CCHCR1: variants seen among roughly 807,000 people sequenced by gnomAD.
The protein encoded by CCHCR1 is coiled-coil alpha-helical rod protein 1.
Under a neutral mutation model 114.6 loss-of-function variants are expected in CCHCR1, and 91 were observed. That is an observed-to-expected ratio of 0.79 (90% CI 0.67 to 0.94). The LOEUF is 0.94. Ranked by LOEUF, CCHCR1 falls within the 40% of genes least tolerant of loss-of-function variation. The probability of loss-of-function intolerance (pLI) is 0.00; values close to 1 mark genes in which losing one functional copy is unlikely to be tolerated. For synonymous variants in CCHCR1, 379 were observed against 428.5 expected, an observed-to-expected ratio of 0.88 and a Z score of 1.43; for missense variants, 899 against 1,079.9, an observed-to-expected ratio of 0.83 and a Z score of 2.35.
rs1774234799 is a variant in CCHCR1 at position 31,145,704 on chromosome 6, G to GT, written c.1684dup (p.Thr562AsnfsTer32). 4.3e-6 allele frequency: 7 copies of GT among 1,612,720 alleles called. No individual in the cohort carries two copies. The highest frequency in any genetic ancestry group is 5.9e-6 in the Non-Finnish European group (7 of 1,178,810). On this transcript the variant is annotated frameshift_variant, in exon 11 of 18. Transcript: ENST00000396268. LOFTEE classifies it high-confidence loss of function. ...GCAGTTGTCCTACGCACCCCGAATG[G>GT]TGTGGACCTTGCGGACAGCATAGCT... is the stretch of plus-strand genomic sequence containing the variant.
Position 31,145,206 on chromosome 6 carries a change from G to T in CCHCR1, c.1836C>A (p.Ala612=). 1.9e-6 allele frequency: 3 copies of T among 1,613,266 alleles called. No individual in the cohort carries two copies. The part of the protein sequence containing the change: ...NRLDAELQLS[A]RLIQQEVGRA... ...GGCCCACCTCCTGCTGGATGAGGCG[G>T]GCACTCAGCTGCAGTTCTGCATCCA... Residue 612 remains alanine, a synonymous_variant, in exon 13 of 18, where the codon GCC becomes GCA. Transcript: ENST00000396268.
chr6:31,157,449 T>C lies in CCHCR1; in HGVS notation c.152A>G (p.His51Arg). 1.2e-6 allele frequency: 2 copies of C among 1,612,930 alleles called. No homozygotes were observed. Among genetic ancestry groups the C allele is most frequent in the East Asian group, 2.2e-5 (1 of 44,890 alleles). ...CAGAGGTGAGAAAGGAGGTACACAG[T>C]GCAGGGGTCTTGAGCGCCATCTCCA... ...ELWRWRSRPLHCVPPFSPLAR... is the reference protein window; with the variant it reads ...ELWRWRSRPLRCVPPFSPLAR... The change falls in exon 1 of 18, where the codon CAC becomes CGC. Residue 51 changes from histidine to arginine, a missense_variant. His to Arg is a conservative substitution (Grantham distance 29). Transcript: ENST00000396268.
At chr6:31,142,914 C>G (rs1047537180) in intron 17 of CCHCR1, 49 bp downstream of exon 17, 1 of 1,582,738 alleles carries the variant, frequency 6.3e-7, no homozygotes, top group Non-Finnish European at 8.6e-7. Flanking sequence ...AGAGGAGATT[C>G]CTGAAGTGCG....
intron 10 of CCHCR1, among the ~76,000 whole-genome samples, chr6:31,146,338 C>T (rs1774330894): frequency 6.6e-6 from 1 of 152,072 alleles, no homozygotes; most frequent in Non-Finnish European, 1.5e-5. Flanking sequence ...GAGCGAGACT[C>T]CATCTCAAAA....
intron 8 of CCHCR1, chr6:31,149,151 CA>C (rs3064836): frequency 0.26 from 30,705 of 120,088 alleles, 3,616 homozygotes; most frequent in African/African-American, 0.32. Context: ...GACTCCTTCT[CA>C]AAAAAAAAAA....
upstream of CCHCR1, chr6:31,158,027 C>A (rs1776348056): frequency 1.2e-5 from 3 of 240,766 alleles, no homozygotes; most frequent in Middle Eastern, 1.6e-3. Context: ...AGCCCGTGAG[C>A]TCTAAGGCTG....
chr6:31,154,380 A>C lies in CCHCR1; in HGVS notation c.801+116T>G. 1.3e-6 allele frequency: 1 copy of C among 761,082 alleles called. No individual in the cohort carries two copies. Among genetic ancestry groups the C allele is most frequent in the South Asian group, 1.8e-5 (1 of 55,776 alleles). The allele number at this position is 761,082 out of a possible 1,614,324, so 47.1% of individuals were successfully genotyped here. A position where few individuals can be genotyped will look rare whatever the true frequency, so the allele number is the denominator to read the frequency against. Reference sequence around the variant, plus strand: ...TGTGTTTATTTTCACCAAAGGTCTCATCACTCTACTACTCACTACTCATGG... The same window carrying C: ...TGTGTTTATTTTCACCAAAGGTCTCCTCACTCTACTACTCACTACTCATGG... On this transcript the variant is annotated intron_variant, in intron 4 of 17. Transcript: ENST00000396268. The surrounding 1 kb of genome is among the most constrained non-coding windows in gnomAD (Gnocchi z 4.1).
chr6:31,155,879 T>C (rs927697131), intron 3 of CCHCR1, among the ~76,000 whole-genome samples: 2 of 152,118 alleles, frequency 1.3e-5, no homozygotes, highest in Non-Finnish European at 2.9e-5. Context: ...ACTTCTGAGC[T>C]CAAGGGGTCC....
chr6:31,154,839 T>A lies in CCHCR1; in HGVS notation c.498-40A>T. ...TAGTGCAGGTGAGACTTGTCTCCAG[T>A]GCTGGAAGGATAGTTGAGGGCATAA... On this transcript the variant is annotated intron_variant, in intron 3 of 17. Transcript: ENST00000396268. This position sits in a 1 kb window ranked among gnomAD's most constrained non-coding sequence, Gnocchi z 4.1. 6.5e-7 allele frequency: 1 copy of A among 1,540,514 alleles called. No homozygotes were observed. The highest frequency in any genetic ancestry group is 8.8e-7 in the Non-Finnish European group (1 of 1,142,604).
rs1307801782 is a variant in CCHCR1, at chr6:31,151,123, C to G, written c.802-1G>C. 1 of 1,611,234 alleles carries G rather than the reference C, an allele frequency of 6.2e-7. No individual in the cohort carries two copies. The highest frequency in any genetic ancestry group is 1.3e-5 in the African/African-American group (1 of 74,954). On this transcript the variant is annotated splice_acceptor_variant, in intron 4 of 17. Coordinates refer to ENST00000396268, the MANE Select transcript of CCHCR1 (RefSeq NM_001105564.2). LOFTEE classifies it high-confidence loss of function. This position sits in a 1 kb window ranked among gnomAD's most constrained non-coding sequence, Gnocchi z 4.1. The stretch of plus-strand genomic sequence containing the variant: ...CGTGAGCCTGTGTCAAAGAGGACAG[C>G]TGCGGAAAGAAGAGGGGGCTCAGCA...
At chr6:31,152,092 C>G (rs1265108) in intron 4 of CCHCR1, among the ~76,000 whole-genome samples, 5 of 151,710 alleles carry the variant, frequency 3.3e-5, no homozygotes, top group Admixed American at 6.6e-5. Context: ...GTCAGGAGAT[C>G]GAGATCATCC....
intron 3 of CCHCR1, among the ~76,000 whole-genome samples, chr6:31,155,023 A>G (rs986734975): frequency 6.6e-6 from 1 of 152,200 alleles, no homozygotes; most frequent in Admixed American, 6.5e-5. Flanking sequence ...CACAGGACCT[A>G]AAGTCTGGCT....
upstream of CCHCR1, chr6:31,157,906 T>C: frequency 2.1e-6 from 1 of 470,516 alleles, no homozygotes; most frequent in African/African-American, 1.9e-5. Flanking sequence ...GGAATTATTC[T>C]GGTCCTGACC....
chr6:31,156,905 C>T lies in CCHCR1; in HGVS notation c.323G>A (p.Arg108Gln), dbSNP rs200256082. 283 of 1,612,812 alleles carry T rather than the reference C, an allele frequency of 1.8e-4. 1 individual carries two copies. Among genetic ancestry groups the T allele is most frequent in the South Asian group, 4.0e-4 (36 of 91,070 alleles). Residue 108 changes from arginine (R) to glutamine (Q), a missense_variant, in exon 3 of 18, where the codon CGG (arginine) becomes CAG (glutamine). Transcript: ENST00000396268. ...CATTCTTGGCAGAGTTGAAAGGGGCCGAGCTTGAAAGTGGGAGGGGGGAAT... is the reference window on the plus strand; with the variant it reads ...CATTCTTGGCAGAGTTGAAAGGGGCTGAGCTTGAAAGTGGGAGGGGGGAAT... ...GLIPPSHFQA[R>Q]PLSTLPRMAP... is the part of the protein sequence containing the mutation.
At position 31,157,084 on chromosome 6, in the gene CCHCR1, G is replaced by A. The variant is rs374005075; in HGVS notation, c.222C>T (p.Asn74=). ...CTAGATTCTGTCTCCAGCCATCTAT[G>A]TTCCCCTGGACAAGAGGAGAAACAA... ...RDHRNLRRRG[N]IDGWRQNLEP... The change falls in exon 2 of 18, where the codon AAC becomes AAT. Residue 74 remains asparagine (N), a synonymous_variant. Coordinates refer to ENST00000396268, the MANE Select transcript of CCHCR1 (RefSeq NM_001105564.2). 1.1e-5 allele frequency: 18 copies of A among 1,610,366 alleles called. No individual in the cohort carries two copies. In the African/African-American group the frequency reaches 1.7e-4, roughly 16 times the overall value.
chr6:31,150,165 G>T lies in CCHCR1; in HGVS notation c.1263C>A (p.Ser421=), dbSNP rs1313669557. ...CCTTCTCCCGCCAGCGGTTCAGCAG[G>T]GACTGGCACTTCCTGGTAAACTCAG... The part of the protein sequence containing the change: ...LEPEFTRKCQ[S]LLNRWREKVF... The change falls in exon 8 of 18, where the codon TCC becomes TCA. Residue 421 remains serine, a synonymous_variant. Transcript: ENST00000396268. This position sits in a 1 kb window ranked among gnomAD's most constrained non-coding sequence, Gnocchi z 5.3. 7.4e-6 allele frequency: 12 copies of T among 1,614,078 alleles called. No homozygotes were observed. The highest frequency in any genetic ancestry group is 1.0e-5 in the Non-Finnish European group (12 of 1,180,036).
chr6:31,156,923 G>A lies in CCHCR1; in HGVS notation c.305C>T (p.Pro102Leu). 4 of 1,612,876 alleles carry A rather than the reference G, an allele frequency of 2.5e-6. No individual in the cohort carries two copies. The highest frequency in any genetic ancestry group is 1.1e-5 in the South Asian group (1 of 91,082). ...AAGGGGCCGAGCTTGAAAGTGGGAG[G>A]GGGGAATCAGCCCAGTGGAACCTGA... ...PPSGSTGLIP[P>L]SHFQARPLST... The change falls in exon 3 of 18, where the codon CCC becomes CTC. Residue 102 changes from proline (P) to leucine (L), a missense_variant. Pro to Leu is a moderately conservative substitution (Grantham distance 98). Transcript: ENST00000396268.
intron 3 of CCHCR1, among the ~76,000 whole-genome samples, chr6:31,155,836 C>A (rs563329799): frequency 3.5e-4 from 54 of 152,292 alleles, no homozygotes; most frequent in Non-Finnish European, 6.8e-4. Context: ...GGCCTCAATG[C>A]AGTGGCTGGA....
Position 31,144,788 on chromosome 6 carries a change from G to A in CCHCR1, c.2066C>T (p.Ala689Val). The change falls in exon 15 of 18, where the codon GCC becomes GTC. Residue 689 changes from alanine to valine, a missense_variant and splice_region_variant. Physicochemically the swap from Ala to Val is moderately conservative, Grantham distance 64. Coordinates refer to ENST00000396268, the MANE Select transcript of CCHCR1 (RefSeq NM_001105564.2). The surrounding 1 kb of genome is among the most constrained non-coding windows in gnomAD (Gnocchi z 4.6). ...LTQQQELYGQ[A>V]LQEKVAEVET... Reference sequence around the variant, plus strand: ...CACTTCAGCCACCTTTTCTTGCAGGGCTGGGGTGAAAGTGCAGACGGGGCA... The same window carrying A: ...CACTTCAGCCACCTTTTCTTGCAGGACTGGGGTGAAAGTGCAGACGGGGCA... 1 of 1,613,752 alleles carries A rather than the reference G, an allele frequency of 6.2e-7. No homozygotes were observed. The highest frequency in any genetic ancestry group is 1.7e-5 in the Admixed American group (1 of 60,014).
Sources: gnomAD v4.1 joint callset for allele counts (sites outside exome capture counted in the v4.1 genomes callset) on GRCh38, gnomAD v4.1.1 for gene constraint, Gnocchi (gnomAD v3.1) non-coding constraint, MANE v1.5 for transcripts, NCBI Gene and HGNC (gene_info 2026-07-23, HGNC 2026-07-21) for gene names.